Variants in PDE8B observed in about 807,000 individuals in gnomAD.
PDE8B encodes the protein high affinity cAMP-specific and IBMX-insensitive 3',5'-cyclic phosphodiesterase 8B.
In PDE8B, 26 loss-of-function variants were observed where a neutral mutation model predicts 101.3. That is an observed-to-expected ratio of 0.26 (90% CI 0.19 to 0.36). The LOEUF (loss-of-function observed/expected upper bound fraction) is 0.36. Ranked by LOEUF, PDE8B falls within the 10% of genes least tolerant of loss-of-function variation. The pLI is 1.00. For missense variants in PDE8B, 810 were observed against 1,163.1 expected, an observed-to-expected ratio of 0.70 and a Z score of 4.42; for synonymous variants, 424 against 429.3, an observed-to-expected ratio of 0.99 and a Z score of 0.15.
At chr5:77,391,392 G>A (rs1789892861) in intron 10 of PDE8B, among the ~76,000 whole-genome samples, 1 of 152,218 alleles carries the variant, frequency 6.6e-6, no homozygotes. Flanking sequence ...CAGCCAGGAA[G>A]AGTCTCTGCT....
At chr5:77,309,941 A>ACCTTTTTTTTTTTTTTTTT (rs772985826) in intron 1 of PDE8B, among the ~76,000 whole-genome samples, 1 of 83,116 alleles carries the variant, frequency 1.2e-5, no homozygotes, top group Non-Finnish European at 2.1e-5. Context: ...TTAATCATTA[A>ACCTTTTTTTTTTTTTTTTT]TCTTTTTTTT....
intron 1 of PDE8B, among the ~76,000 whole-genome samples, chr5:77,240,770 A>T (rs995573946): frequency 6.6e-6 from 1 of 152,250 alleles, no homozygotes; most frequent in East Asian, 1.9e-4. Flanking sequence ...AAGAAAGAAA[A>T]ATACATAACT....
Position 77,418,244 on chromosome 5 carries a change from T to C in PDE8B, c.1927T>C (p.Leu643=), listed in dbSNP as rs756008109. 16 of 1,612,554 alleles carry C rather than the reference T, an allele frequency of 9.9e-6. No homozygotes were observed. The highest frequency in any genetic ancestry group is 1.4e-5 in the Non-Finnish European group (16 of 1,178,566). The change falls in exon 18 of 22, where the codon TTG becomes CTG. Residue 643 remains leucine (L), a synonymous_variant. Transcript: ENST00000264917. The part of the protein sequence containing the change: ...KERVKGSLDQ[L]DEVAALIAAT... ...CATATCCCAGGGAAGCCTCGATCAG[T>C]TGGATGAGGTGGCAGCCCTCATTGC...
the PDE8B span, among the ~76,000 whole-genome samples, chr5:77,120,286 A>G: frequency 1.3e-5 from 2 of 152,250 alleles, no homozygotes; most frequent in African/African-American, 4.8e-5. Context: ...AGGAGTTGAC[A>G]GAGAGCAGGC....
intron 10 of PDE8B, among the ~76,000 whole-genome samples, chr5:77,379,600 C>G (rs567387803): frequency 1.3e-5 from 2 of 152,170 alleles, no homozygotes; most frequent in African/African-American, 4.8e-5. Flanking sequence ...ATGGCAACAG[C>G]TTGTGGGTGG....
rs1321416961 is a variant in PDE8B at position 77,378,479 on chromosome 5, AAAAAAG to A, written c.1168-21768_1168-21763del. Among the ~76,000 whole-genome samples the A allele has an allele frequency of 6.7e-5, 10 of 150,078 alleles. No individual in the cohort carries two copies. The South Asian group carries it at 8.4e-4, about 13-fold the overall frequency. ...TCTAAAAAAAAAAAAAAAAAAAAAA[AAAAAAG>A]GGCATGTACCAAAGATCTTTTCTCA... On this transcript the variant is annotated intron_variant, in intron 10 of 21. Transcript: ENST00000264917.
intron 9 of PDE8B, among the ~76,000 whole-genome samples, chr5:77,351,489 A>G (rs996050626): frequency 2.6e-5 from 4 of 152,062 alleles, no homozygotes; most frequent in African/African-American, 9.7e-5. Flanking sequence ...CTCTGCACTC[A>G]GTGCATAGGG....
intron 10 of PDE8B, among the ~76,000 whole-genome samples, chr5:77,368,095 T>G (rs533423406): frequency 6.6e-6 from 1 of 152,246 alleles, no homozygotes; most frequent in Non-Finnish European, 1.5e-5. Flanking sequence ...CCTCCCATTT[T>G]CAGTAGCAGC....
chr5:77,377,638 GT>G (rs1435816325), intron 10 of PDE8B, among the ~76,000 whole-genome samples: 3 of 152,272 alleles, frequency 2.0e-5, no homozygotes, highest in Non-Finnish European at 2.9e-5. Flanking sequence ...GTAAAACCTT[GT>G]TTATGGGAAG....
At position 77,264,324 on chromosome 5, in the gene PDE8B, G is replaced by A. The variant is rs77447217; in HGVS notation, c.340-47670G>A. 5.5e-3 allele frequency among the ~76,000 whole-genome samples: 836 copies of A among 152,298 alleles called. 9 individuals are homozygous for A. Among genetic ancestry groups the A allele is most frequent in the African/African-American group, 0.02 (813 of 41,586 alleles). On this transcript the variant is annotated intron_variant, in intron 1 of 21. Coordinates refer to ENST00000264917, the MANE Select transcript of PDE8B (RefSeq NM_003719.5). ...GGGTCATATGGTAACTCTGTGTTTAGCTGTTTGAGGAACTGCCTGTTTTGC... is the reference window on the plus strand; with the variant it reads ...GGGTCATATGGTAACTCTGTGTTTAACTGTTTGAGGAACTGCCTGTTTTGC...
chr5:77,289,249 C>T (rs1766741710), intron 1 of PDE8B, among the ~76,000 whole-genome samples: 2 of 152,160 alleles, frequency 1.3e-5, no homozygotes, highest in Admixed American at 1.3e-4. Context: ...TTTTTAAACT[C>T]ATGATCAGCT....
chr5:77,305,718 C>A (rs1191578595), intron 1 of PDE8B, among the ~76,000 whole-genome samples: 1 of 152,084 alleles, frequency 6.6e-6, no homozygotes, highest in East Asian at 1.9e-4. Flanking sequence ...TAAGTTTGGC[C>A]TGAGAATGGA....
chr5:77,279,357 G>T (rs1764502599), intron 1 of PDE8B, among the ~76,000 whole-genome samples: 1 of 152,088 alleles, frequency 6.6e-6, no homozygotes, highest in African/African-American at 2.4e-5. Context: ...GTTCTAGATG[G>T]TATGTCCTTT....
At chr5:77,309,677 T>TG (rs538864951) in intron 1 of PDE8B, among the ~76,000 whole-genome samples, 48 of 152,138 alleles carry the variant, frequency 3.2e-4, no homozygotes, top group Admixed American at 1.2e-3. Context: ...TGAAGTGTAG[T>TG]GGTGTGATCT....
chr5:77,097,706 TCTATATATATATATATATATATATATAC>T, the PDE8B span, among the ~76,000 whole-genome samples: 13 of 19,608 alleles, frequency 6.6e-4, 2 homozygotes, highest in Admixed American at 4.9e-3. Context: ...TATATATATA[TCTATATATATATATATATATATATATAC>T]ATACATATGA....
chr5:77,337,528 A>G (rs1561546520), intron 6 of PDE8B, among the ~76,000 whole-genome samples: 8 of 152,306 alleles, frequency 5.3e-5, no homozygotes, highest in African/African-American at 1.9e-4. Flanking sequence ...TTTTGACAGT[A>G]TTTTCCACTA....
chr5:77,339,935 A>G (rs545604522), intron 6 of PDE8B, among the ~76,000 whole-genome samples: 1 of 152,348 alleles, frequency 6.6e-6, no homozygotes, highest in South Asian at 2.1e-4. Context: ...TAAGAACTAA[A>G]TCACATATCT....
chr5:77,177,173 G>A, the PDE8B span, among the ~76,000 whole-genome samples: 424 of 152,122 alleles, frequency 2.8e-3, 1 homozygote, highest in African/African-American at 9.8e-3. Flanking sequence ...GCTCTGTTTC[G>A]CTGTATGATG....
At chr5:77,224,026 C>T (rs183227345) in intron 1 of PDE8B, among the ~76,000 whole-genome samples, 67 of 152,336 alleles carry the variant, frequency 4.4e-4, no homozygotes, top group African/African-American at 1.4e-3. Context: ...TTCACTACAG[C>T]GGTATCTCTT....
Sources: allele counts gnomAD v4.1 joint callset (sites outside exome capture counted in the v4.1 genomes callset), GRCh38; gene constraint gnomAD v4.1.1; transcripts MANE v1.5; gene names NCBI Gene and HGNC (gene_info 2026-07-23, HGNC 2026-07-21).